Variants in ZFC3H1 observed in about 807,000 individuals in gnomAD.
The protein encoded by ZFC3H1 is zinc finger C3H1 domain-containing protein.
ZFC3H1 carries 71 observed loss-of-function variants against 243.7 expected under a neutral mutation model. The observed-to-expected ratio is 0.29, with a 90% CI of 0.24 to 0.36. The LOEUF is 0.36. ZFC3H1 is among the 10% of genes least tolerant of loss of function. ZFC3H1 has a pLI of 1.00. For missense variants in ZFC3H1, 1,966 were observed against 2,317.1 expected (o/e 0.85, Z 3.11); for synonymous variants, 838 against 813.0 (o/e 1.03, Z -0.52).
Position 71,643,412 on chromosome 12 carries a change from C to CA in ZFC3H1, c.1503+682dup, listed in dbSNP as rs879491340. Reference sequence around the variant, plus strand: ...GGGCAACAAGAGTAAGACTCCATCTCAAAAAAAAAAAAAATTTCAAAGTAT... The same window carrying CA: ...GGGCAACAAGAGTAAGACTCCATCTCAAAAAAAAAAAAAAATTTCAAAGTAT... On this transcript the variant is annotated intron_variant, in intron 5 of 34. Transcript: ENST00000378743. Among the ~76,000 whole-genome samples, 251 of 136,230 alleles carry CA rather than the reference C, an allele frequency of 1.8e-3. 1 individual carries two copies. The highest frequency in any genetic ancestry group is 3.2e-3 in the African/African-American group (120 of 37,058). 89.4% of individuals were successfully genotyped at this position (136,230 alleles called of 152,430 possible).
rs1214197254 is a variant in ZFC3H1 at position 71,630,588 on chromosome 12, G to A, written c.3724+12C>T. On this transcript the variant is annotated intron_variant, in intron 18 of 34. Transcript: ENST00000378743. ...ATTTTCATTTGGGAGAGAATAGGAA[G>A]TCTTTAAAAACCTGCTGAAGCAGTA... 6.3e-7 allele frequency: 1 copy of A among 1,596,088 alleles called. No homozygotes were observed. The highest frequency in any genetic ancestry group is 8.5e-7 in the Non-Finnish European group (1 of 1,175,296).
chr12:71,623,025 C>G (rs1022246017), intron 24 of ZFC3H1, among the ~76,000 whole-genome samples: 2 of 110,064 alleles, frequency 1.8e-5, no homozygotes, highest in Admixed American at 1.1e-4. Context: ...CCTTAATGGA[C>G]TGCTAAAAAA....
intron 24 of ZFC3H1, among the ~76,000 whole-genome samples, chr12:71,622,379 A>G (rs1335673644): frequency 6.6e-6 from 1 of 152,162 alleles, no homozygotes; most frequent in Non-Finnish European, 1.5e-5. Context: ...GACTTCCTTG[A>G]TCATGCCAAT....
chr12:71,663,040 G>C lies in ZFC3H1; in HGVS notation c.571C>G (p.Arg191Gly). 6.2e-7 allele frequency: 1 copy of C among 1,610,962 alleles called. No individual in the cohort carries two copies. Among genetic ancestry groups the C allele is most frequent in the South Asian group, 1.1e-5 (1 of 90,974 alleles). The change falls in exon 1 of 35, where the codon CGA (arginine) becomes GGA (glycine). Residue 191 changes from arginine (R) to glycine (G), a missense_variant. By Grantham distance (125) the Arg-to-Gly change is moderately radical. Transcript: ENST00000378743. Reference protein sequence around the residue: ...GSGFSSSQSWREPSPPRKSSK... With the variant: ...GSGFSSSQSWGEPSPPRKSSK... Reference sequence around the variant, plus strand: ...CTCTTCCGAGGTGGAGAGGGCTCTCGCCAGCTCTGACTGCTGCTGAACCCG... The same window carrying C: ...CTCTTCCGAGGTGGAGAGGGCTCTCCCCAGCTCTGACTGCTGCTGAACCCG...
At chr12:71,629,102 T>G in intron 19 of ZFC3H1, 65 bp from the exon 20 acceptor site, 4 of 1,339,694 alleles carry the variant, frequency 3.0e-6, no homozygotes, top group African/African-American at 1.5e-5. Context: ...TTTTGAAGGA[T>G]ACTCAAATAA....
At chr12:71,656,782 A>G (rs1881029554) in intron 2 of ZFC3H1, 103 bp downstream of exon 2, 1 of 1,199,050 alleles carries the variant, frequency 8.3e-7, no homozygotes, top group Admixed American at 2.5e-5. Flanking sequence ...AAAAGAATTT[A>G]CAGATAATTA....
rs753473939 is a variant in ZFC3H1, at chr12:71,632,894, G to T, written c.2809C>A (p.Arg937Ser). Residue 937 changes from arginine to serine, a missense_variant, in exon 14 of 35, where the codon CGC (arginine) becomes AGC (serine). By Grantham distance (110) the Arg-to-Ser change is moderately radical (BLOSUM62 -1). Coordinates refer to ENST00000378743, the MANE Select transcript of ZFC3H1 (RefSeq NM_144982.5). ...TTCTATAAAACCCTCACCCCAAAGC[G>T]ATCTTGTTCCAGTTTACGTTTTCCT... ...EIGKRKLEQDRFGPNKMMRLD... is the reference protein window; with the variant it reads ...EIGKRKLEQDSFGPNKMMRLD... The T allele has an allele frequency of 1.2e-6, 2 of 1,611,492 alleles. No homozygotes were observed. Among genetic ancestry groups the T allele is most frequent in the African/African-American group, 2.7e-5 (2 of 74,824 alleles).
At position 71,613,448 on chromosome 12, in the gene ZFC3H1, A is replaced by AG. The variant is rs748749463; in HGVS notation, c.5527-14dup. ...AAAAGAAAATAACCTGTAAAGGTTGAGGGGGGCGAAAAATGAATGCAACCA... is the reference window on the plus strand; with the variant it reads ...AAAAGAAAATAACCTGTAAAGGTTGAGGGGGGGCGAAAAATGAATGCAACCA... On this transcript the variant is annotated splice_polypyrimidine_tract_variant and intron_variant, in intron 30 of 34. Coordinates refer to ENST00000378743, the MANE Select transcript of ZFC3H1 (RefSeq NM_144982.5). 1.8e-5 allele frequency: 29 copies of AG among 1,567,564 alleles called. No homozygotes were observed. Among genetic ancestry groups the AG allele is most frequent in the East Asian group, 2.3e-5 (1 of 44,056 alleles).
Position 71,663,252 on chromosome 12 carries a change from G to A in ZFC3H1, c.359C>T (p.Pro120Leu). ...FRSHPPSVRMPSSSLSESSPR... is the reference protein window; with the variant it reads ...FRSHPPSVRMLSSSLSESSPR... ...ACTGCTTTCGGACAGTGAGCTCGAA[G>A]GCATCCGTACAGAAGGCGGATGAGA... The change falls in exon 1 of 35, where the codon CCT (proline) becomes CTT (leucine). Residue 120 changes from proline (P) to leucine (L), a missense_variant. Physicochemically the swap from Pro to Leu is moderately conservative, Grantham distance 98. Around this residue, in one of 4 missense-constraint regions of ZFC3H1, gnomAD observed 484 missense variants for 449.7 expected, o/e 1.08. Transcript: ENST00000378743. 1.2e-6 allele frequency: 2 copies of A among 1,613,828 alleles called. No individual in the cohort carries two copies. The highest frequency in any genetic ancestry group is 1.1e-5 in the South Asian group (1 of 91,088).
In ZFC3H1 at chr12:71,613,391, G is replaced by A. The variant is rs373560825; in HGVS notation, c.5571C>T (p.Ser1857=). 3.2e-5 allele frequency: 51 copies of A among 1,609,638 alleles called. No homozygotes were observed. Among genetic ancestry groups the A allele is most frequent in the Middle Eastern group, 3.3e-4 (2 of 6,072 alleles). Residue 1857 remains serine (S), a synonymous_variant, in exon 31 of 35, where the codon TCC becomes TCT. Transcript: ENST00000378743. Reference sequence around the variant, plus strand: ...CTGAACAAAACCGTTCCAAGGTTTTGGAATGCTGGGTCTTTGGAACACAGC... The same window carrying A: ...CTGAACAAAACCGTTCCAAGGTTTTAGAATGCTGGGTCTTTGGAACACAGC... The part of the protein sequence containing the change: ...YLSCVPKTQH[S]KTLERFCSVM...
In ZFC3H1 at chr12:71,624,383, T is replaced by C. The variant is rs74101627; in HGVS notation, c.4318-91A>G. 4.7e-3 allele frequency: 6,176 copies of C among 1,319,836 alleles called. 249 individuals carry two copies. The African/African-American group carries it at 0.079, about 17-fold the overall frequency. The allele number at this position is 1,319,836 out of a possible 1,614,324, so 81.8% of individuals were successfully genotyped here. A position where few individuals can be genotyped will look rare whatever the true frequency, so the allele number is the denominator to read the frequency against. On this transcript the variant is annotated intron_variant, in intron 22 of 34. Transcript: ENST00000378743. ...CACATTTCATTAAGAAACCATCTCA[T>C]AGTAAATCTTCAACTTCTGCAAAAA...
intron 2 of ZFC3H1, among the ~76,000 whole-genome samples, chr12:71,655,951 G>A (rs933577208): frequency 6.6e-6 from 1 of 151,784 alleles, no homozygotes; most frequent in Non-Finnish European, 1.5e-5. Flanking sequence ...CAGTATGATG[G>A]GATACACAGA....
intron 1 of ZFC3H1, among the ~76,000 whole-genome samples, chr12:71,658,738 A>C (rs1881088335): frequency 6.6e-6 from 1 of 152,218 alleles, no homozygotes; most frequent in South Asian, 2.1e-4. Context: ...TCATCTAAGA[A>C]ACAAAAATAA....
In ZFC3H1 at chr12:71,662,984, C is replaced by G. The variant is rs780523832; in HGVS notation, c.598+29G>C. ...CGCTAAAGGGAACTTTAGTGACACA[C>G]CCAGCGCCGACCGCCACGTTAAGGA... On this transcript the variant is annotated intron_variant, in intron 1 of 34. Transcript: ENST00000378743. 3 of 1,562,218 alleles carry G rather than the reference C, an allele frequency of 1.9e-6. No homozygotes were observed. The African/African-American group carries it at 4.1e-5, about 21-fold the overall frequency.
intron 19 of ZFC3H1, 58 bp from the exon 20 acceptor site, chr12:71,629,095 T>A: frequency 7.3e-7 from 1 of 1,377,610 alleles, no homozygotes; most frequent in Non-Finnish European, 9.8e-7. Flanking sequence ...TTTAACATTT[T>A]GAAGGATACT....
chr12:71,619,489 T>A, intron 26 of ZFC3H1, 80 bp from the exon 27 acceptor site: 1 of 1,351,704 alleles, frequency 7.4e-7, no homozygotes, highest in Non-Finnish European at 1.0e-6. Flanking sequence ...AAAAAAGCCT[T>A]AAAAAAGTAC....
chr12:71,620,789 G>C (rs1346137339), intron 24 of ZFC3H1, among the ~76,000 whole-genome samples: 1 of 152,124 alleles, frequency 6.6e-6, no homozygotes. Flanking sequence ...CCCTTGTAAA[G>C]AGTTCTTTCT....
At chr12:71,644,810 C>G (rs1880687119) in intron 4 of ZFC3H1, 67 bp downstream of exon 4, 3 of 1,550,852 alleles carry the variant, frequency 1.9e-6, no homozygotes, top group Admixed American at 1.9e-5. Context: ...AAGAGCAAAA[C>G]TCTGTCTCAA....
chr12:71,648,596 C>G (rs965225264), intron 2 of ZFC3H1, among the ~76,000 whole-genome samples: 5 of 152,130 alleles, frequency 3.3e-5, no homozygotes, highest in African/African-American at 1.2e-4. Context: ...TAACACCACA[C>G]CTGTCAATGT....
Sources: allele counts gnomAD v4.1 joint callset (sites outside exome capture counted in the v4.1 genomes callset), GRCh38; gene constraint gnomAD v4.1.1; regional missense constraint gnomAD v4.1.1; transcripts MANE v1.5; gene names NCBI Gene and HGNC (gene_info 2026-07-23, HGNC 2026-07-21).